The following SUGCT variants were observed in gnomAD, a reference collection of about 807,000 sequenced individuals.
SUGCT encodes the protein succinyl-CoA:glutarate CoA-transferase.
A neutral mutation model predicts 55.0 loss-of-function variants in SUGCT; 41 were observed. The ratio of observed to expected loss-of-function variants is 0.74; its 90% confidence interval spans 0.58 to 0.97. SUGCT has a LOEUF of 0.97. Among genes scored for constraint, SUGCT ranks in the 50% least tolerant of loss-of-function variants. The pLI is 0.00. For missense variants in SUGCT, 568 were observed against 547.8 expected (o/e 1.04, Z -0.37); for synonymous variants, 187 against 200.4 (o/e 0.93, Z 0.56).
At chr7:40,422,609 A>G (rs1787370691) in intron 9 of SUGCT, among the ~76,000 whole-genome samples, 1 of 152,206 alleles carries the variant, frequency 6.6e-6, no homozygotes, top group Non-Finnish European at 1.5e-5. Context: ...ATTTCAGTCA[A>G]TCTGTATACA....
At chr7:40,687,663 T>C (rs1483596781) in intron 12 of SUGCT, among the ~76,000 whole-genome samples, 1 of 152,162 alleles carries the variant, frequency 6.6e-6, no homozygotes, top group Non-Finnish European at 1.5e-5. Context: ...ACCATACCGT[T>C]ATAGCCCCTT....
intron 1 of SUGCT, among the ~76,000 whole-genome samples, chr7:40,161,129 C>T (rs1784125249): frequency 1.3e-5 from 2 of 152,132 alleles, no homozygotes; most frequent in African/African-American, 4.8e-5. Flanking sequence ...ACCTTTACTA[C>T]CTGAAGAGAA....
intron 9 of SUGCT, among the ~76,000 whole-genome samples, chr7:40,355,618 A>T (rs1797849661): frequency 2.0e-5 from 3 of 152,230 alleles, no homozygotes; most frequent in African/African-American, 7.2e-5. Flanking sequence ...CATCTCACAA[A>T]ATTTTAAGTG....
chr7:40,151,801 T>G (rs1473588525), intron 1 of SUGCT: 1 of 152,656 alleles, frequency 6.6e-6, no homozygotes, highest in Admixed American at 6.5e-5. Flanking sequence ...CATAGCCAGC[T>G]GTACAAGAGA....
In SUGCT at chr7:40,492,844, A is replaced by G. The variant is rs143028835; in HGVS notation, c.987-3440A>G. Among the ~76,000 whole-genome samples the G allele has an allele frequency of 4.9e-4, 74 of 152,136 alleles. 1 individual carries two copies. The highest frequency in any genetic ancestry group is 3.6e-3 in the Admixed American group (55 of 15,290). On this transcript the variant is annotated intron_variant, in intron 11 of 13. Transcript: ENST00000335693. Reference sequence around the variant, plus strand: ...CAGCATCCTGCATTGTAATTCATCTATTTTCATAGCTGTGTTCTCCATTAG... The same window carrying G: ...CAGCATCCTGCATTGTAATTCATCTGTTTTCATAGCTGTGTTCTCCATTAG...
At chr7:40,400,759 G>GT (rs1562749117) in intron 9 of SUGCT, among the ~76,000 whole-genome samples, 1 of 152,088 alleles carries the variant, frequency 6.6e-6, no homozygotes. Flanking sequence ...TGCTTACTTT[G>GT]TACCTTACTT....
At chr7:40,371,343 A>T (rs1201577875) in intron 9 of SUGCT, among the ~76,000 whole-genome samples, 1 of 152,080 alleles carries the variant, frequency 6.6e-6, no homozygotes, top group African/African-American at 2.4e-5. Context: ...TTGATTTGTC[A>T]TTTTTATTTC....
At chr7:40,568,229 C>G (rs1169274478) in intron 12 of SUGCT, among the ~76,000 whole-genome samples, 3 of 152,126 alleles carry the variant, frequency 2.0e-5, no homozygotes, top group Middle Eastern at 3.2e-3. Flanking sequence ...TTTTGTGATG[C>G]TGTACCACAT....
intron 12 of SUGCT, among the ~76,000 whole-genome samples, chr7:40,648,458 C>T (rs1023843027): frequency 6.6e-6 from 1 of 152,088 alleles, no homozygotes; most frequent in Non-Finnish European, 1.5e-5. Flanking sequence ...GAACACAGTA[C>T]GTAGTTGTGA....
chr7:40,308,744 C>T (rs747491280), intron 8 of SUGCT, among the ~76,000 whole-genome samples: 16 of 152,180 alleles, frequency 1.1e-4, no homozygotes, highest in Admixed American at 5.2e-4. Context: ...GGCACAGTGA[C>T]TCATGCCTGT....
chr7:40,923,416 C>T, the SUGCT span, among the ~76,000 whole-genome samples: 165 of 152,244 alleles, frequency 1.1e-3, no homozygotes, highest in Middle Eastern at 3.4e-3. Context: ...TTGGCTTGGT[C>T]ATTGATAATC....
At chr7:40,865,003 G>A (rs991097714), downstream of SUGCT, among the ~76,000 whole-genome samples, 1 of 151,920 alleles carries the variant, frequency 6.6e-6, no homozygotes, top group African/African-American at 2.4e-5. Flanking sequence ...CTGCCTCCCC[G>A]CTCTTCCATT....
At chr7:40,801,163 G>A (rs932457307) in intron 13 of SUGCT, among the ~76,000 whole-genome samples, 15 of 152,336 alleles carry the variant, frequency 9.8e-5, no homozygotes, top group African/African-American at 3.1e-4. Flanking sequence ...GTGAAAGTGT[G>A]TGAACACTCT....
chr7:40,505,786 A>G (rs1411538589), intron 12 of SUGCT, among the ~76,000 whole-genome samples: 1 of 152,074 alleles, frequency 6.6e-6, no homozygotes, highest in African/African-American at 2.4e-5. Context: ...AATAAGAGCA[A>G]GTCTATATTG....
At chr7:40,609,441 C>T (rs537056166) in intron 12 of SUGCT, among the ~76,000 whole-genome samples, 1 of 151,778 alleles carries the variant, frequency 6.6e-6, no homozygotes, top group African/African-American at 2.4e-5. Context: ...GTGGCGGGCA[C>T]CTGACGTCCC....
intron 9 of SUGCT, among the ~76,000 whole-genome samples, chr7:40,396,372 G>T (rs896287598): frequency 6.6e-6 from 1 of 152,114 alleles, no homozygotes; most frequent in African/African-American, 2.4e-5. Flanking sequence ...AGTACTCATT[G>T]ATGTTCAGAA....
chr7:40,697,184 AT>A (rs1198582340), intron 12 of SUGCT, among the ~76,000 whole-genome samples: 1 of 152,184 alleles, frequency 6.6e-6, no homozygotes, highest in African/African-American at 2.4e-5. Flanking sequence ...AATCTTCCCC[AT>A]CTTGCCTACA....
chr7:40,192,908 CAGG>C (rs1785999153), intron 5 of SUGCT, among the ~76,000 whole-genome samples: 1 of 151,488 alleles, frequency 6.6e-6, no homozygotes, highest in Non-Finnish European at 1.5e-5. Context: ...GCTGGGATTG[CAGG>C]TATGAGCTAC....
At chr7:40,366,287 A>G (rs1384004519) in intron 9 of SUGCT, among the ~76,000 whole-genome samples, 11 of 152,196 alleles carry the variant, frequency 7.2e-5, no homozygotes, top group South Asian at 2.1e-4. Flanking sequence ...AGACTTAAAC[A>G]TTAGACCTAA....
Sources: gnomAD v4.1 joint callset for allele counts (sites outside exome capture counted in the v4.1 genomes callset) on GRCh38, gnomAD v4.1.1 for gene constraint, MANE v1.5 for transcripts, NCBI Gene and HGNC (gene_info 2026-07-23, HGNC 2026-07-21) for gene names.